The following METTL2B variants were observed in gnomAD, a reference collection of about 807,000 sequenced individuals.
METTL2B encodes methyltransferase 2B, tRNA N3-cytidine.
A neutral mutation model predicts 51.0 loss-of-function variants in METTL2B; 28 were observed. The ratio of observed to expected loss-of-function variants is 0.55; its 90% CI spans 0.41 to 0.75. The LOEUF (loss-of-function observed/expected upper bound fraction) is 0.75. METTL2B is among the 30% of genes least tolerant of loss of function. The probability of loss-of-function intolerance (pLI) is 0.00; values close to 1 mark genes in which losing one functional copy is unlikely to be tolerated. For missense variants in METTL2B, 313 were observed against 460.7 expected, an observed-to-expected ratio of 0.68 and a Z score of 2.93; for synonymous variants, 128 against 166.3, an observed-to-expected ratio of 0.77 and a Z score of 1.77.
intron 7 of METTL2B, among the ~76,000 whole-genome samples, chr7:128,500,011 A>G (rs1256224100): frequency 6.6e-6 from 1 of 152,150 alleles, no homozygotes; most frequent in Non-Finnish European, 1.5e-5. Flanking sequence ...TCTGTTGTGT[A>G]TTCAGTGAGA....
Position 128,502,749 on chromosome 7 carries a change from AT to A in METTL2B, c.*835del, listed in dbSNP as rs781219488. 85 of 349,650 alleles carry A rather than the reference AT, an allele frequency of 2.4e-4. No individual in the cohort carries two copies. In the Middle Eastern group the frequency reaches 3.0e-3, roughly 12 times the overall value. 21.7% of individuals were successfully genotyped at this position (349,650 alleles called of 1,614,324 possible). A position where few individuals can be genotyped will look rare whatever the true frequency, so the allele number is the denominator to read the frequency against. On this transcript the variant is annotated 3_prime_UTR_variant, in exon 9 of 9. Transcript: ENST00000262432. ...CCCCGTCTCTACTAAAGATAAAAAA[AT>A]TAGCTGGGTGTGTTGGTGGGTGCCT...
intron 2 of METTL2B, 143 bp from the exon 3 acceptor site, chr7:128,479,015 A>G: frequency 2.3e-6 from 2 of 868,598 alleles, no homozygotes; most frequent in Non-Finnish European, 1.7e-6. Flanking sequence ...GACCTCAGAA[A>G]TGCCTTCAGT....
rs1198683935 is a variant in METTL2B at position 128,501,057 on chromosome 7, C to T, written c.982+89C>T. ...CAGAAGGAAAACTATCTGGCCCCTCCTGCCTTTTAGGCAGGCTGTTTCCTT... is the reference window on the plus strand; with the variant it reads ...CAGAAGGAAAACTATCTGGCCCCTCTTGCCTTTTAGGCAGGCTGTTTCCTT... On this transcript the variant is annotated intron_variant, in intron 8 of 8. Transcript: ENST00000262432. The T allele has an allele frequency of 5.0e-6, 8 of 1,590,322 alleles. No homozygotes were observed. The African/African-American group carries it at 9.4e-5, about 19-fold the overall frequency.
rs1321342380 is a variant in METTL2B at position 128,493,830 on chromosome 7, G to A, written c.696G>A (p.Arg232=). ...CAAATTCAGAATATGATCCTTCTCG[G>A]TGTTTTGCCTTTGTTCACGACCTGT... ...VQTNSEYDPS[R]CFAFVHDLCD... is the part of the protein sequence containing the mutation. Residue 232 remains arginine (R), a synonymous_variant, in exon 6 of 9, where the codon CGG becomes CGA. Transcript: ENST00000262432. 6.2e-7 allele frequency: 1 copy of A among 1,610,338 alleles called. No homozygotes were observed. Among genetic ancestry groups the A allele is most frequent in the African/African-American group, 1.3e-5 (1 of 74,538 alleles).
intron 4 of METTL2B, among the ~76,000 whole-genome samples, chr7:128,487,316 G>A (rs1792736993): frequency 6.6e-6 from 1 of 152,162 alleles, no homozygotes; most frequent in Non-Finnish European, 1.5e-5. Context: ...GCCCAACAGT[G>A]CAGAAGAGCT....
In METTL2B at chr7:128,501,968, T is replaced by A; in HGVS notation, c.*52T>A. 1.1e-5 allele frequency: 17 copies of A among 1,598,972 alleles called. No homozygotes were observed. The highest frequency in any genetic ancestry group is 1.4e-5 in the Non-Finnish European group (16 of 1,171,078). On this transcript the variant is annotated 3_prime_UTR_variant, in exon 9 of 9. Transcript: ENST00000262432. ...AGCCCGTTGTGTTTCCGAGCTTTTT[T>A]AAAAAAAAATTTGTAGCACCGGGCA...
chr7:128,480,833 C>G, intron 4 of METTL2B, 137 bp downstream of exon 4: 1 of 1,051,302 alleles, frequency 9.5e-7, no homozygotes, highest in Non-Finnish European at 1.4e-6. Context: ...GTGAGACCAG[C>G]CAGGGCAATG....
chr7:128,479,606 C>A (rs1202473504), intron 3 of METTL2B, 93 bp downstream of exon 3: 2 of 1,364,352 alleles, frequency 1.5e-6, no homozygotes, highest in African/African-American at 2.9e-5. Context: ...AAAGTAACTT[C>A]TATTGGATGA....
rs375180770 is a variant in METTL2B, at chr7:128,476,897, C to T, written c.110+22C>T. 3.1e-6 allele frequency: 5 copies of T among 1,613,304 alleles called. No individual in the cohort carries two copies. The African/African-American group carries it at 6.7e-5, about 22-fold the overall frequency. ...CCTGGTAATCACCCTGCCCCCTCGC[C>T]CGGCCTGTCGCTGGCCGTCTGTCCC... On this transcript the variant is annotated intron_variant, in intron 1 of 8. Coordinates refer to ENST00000262432, the MANE Select transcript of METTL2B (RefSeq NM_018396.3).
chr7:128,482,096 T>C (rs575422991), intron 4 of METTL2B, among the ~76,000 whole-genome samples: 9 of 152,322 alleles, frequency 5.9e-5, no homozygotes, highest in African/African-American at 2.2e-4. Context: ...CCCTTACTAG[T>C]GTTGGCCCCA....
rs1244765041 is a variant in METTL2B at position 128,476,844 on chromosome 7, G to C, written c.79G>C (p.Asp27His). ...GCAGTTCGGAAGCCGGTTCCTGAGC[G>C]ATCCGGCGCGCGTCTTCCACCACAA... is the stretch of plus-strand genomic sequence containing the variant. The part of the protein sequence containing the change: ...RQQFGSRFLS[D>H]PARVFHHNAW... The change falls in exon 1 of 9, where the codon GAT becomes CAT. Residue 27 changes from aspartate (D) to histidine (H), a missense_variant. Around this residue, in one of 4 missense-constraint regions of METTL2B, gnomAD observed 66 missense variants for 58.2 expected, o/e 1.13. Transcript: ENST00000262432. 6.2e-7 allele frequency: 1 copy of C among 1,614,070 alleles called. No individual in the cohort carries two copies. The highest frequency in any genetic ancestry group is 2.2e-5 in the East Asian group (1 of 44,874).
intron 5 of METTL2B, among the ~76,000 whole-genome samples, chr7:128,489,836 G>C (rs373257561): frequency 0.034 from 5,163 of 151,296 alleles, 220 homozygotes; most frequent in East Asian, 0.22. Flanking sequence ...CACCGTTTTA[G>C]CTGGGATGGT....
rs1312837998 is a variant in METTL2B at position 128,484,736 on chromosome 7, G to A, written c.609-3365G>A. Reference sequence around the variant, plus strand: ...GCCTCCTGAGTAGCTGGGATTACAAGCGCCCGCCACCACACCCAGCTAATT... The same window carrying A: ...GCCTCCTGAGTAGCTGGGATTACAAACGCCCGCCACCACACCCAGCTAATT... On this transcript the variant is annotated intron_variant, in intron 4 of 8. Transcript: ENST00000262432. 9.2e-5 allele frequency among the ~76,000 whole-genome samples: 14 copies of A among 152,178 alleles called. No homozygotes were observed. In the South Asian group the frequency reaches 2.9e-3, roughly 32 times the overall value.
chr7:128,476,822 G>T lies in METTL2B; in HGVS notation c.57G>T (p.Gln19His), dbSNP rs765429745. 4 of 1,614,070 alleles carry T rather than the reference G, an allele frequency of 2.5e-6. No individual in the cohort carries two copies. In the Admixed American group the frequency reaches 5.0e-5, roughly 20 times the overall value. Residue 19 changes from glutamine (Q) to histidine (H), a missense_variant, in exon 1 of 9, where the codon CAG (glutamine) becomes CAT (histidine). Physicochemically the swap from Gln to His is conservative, Grantham distance 24. Coordinates refer to ENST00000262432, the MANE Select transcript of METTL2B (RefSeq NM_018396.3). Reference sequence around the variant, plus strand: ...CAATCCTCGCCGATAAGAGGCAGCAGTTCGGAAGCCGGTTCCTGAGCGATC... The same window carrying T: ...CAATCCTCGCCGATAAGAGGCAGCATTTCGGAAGCCGGTTCCTGAGCGATC... ...APAILADKRQ[Q>H]FGSRFLSDPA...
In METTL2B at chr7:128,506,535, T is replaced by A. The variant is rs576272397; in HGVS notation, c.*4619T>A. On this transcript the variant is annotated 3_prime_UTR_variant, in exon 9 of 9. Transcript: ENST00000262432. ...TAATGATGGGCAGAGGACTGTTACA[T>A]GTGTTGGGAGGGATTAAAGTATATG... The A allele has an allele frequency of 6.6e-6, 1 of 152,318 alleles. No homozygotes were observed. The highest frequency in any genetic ancestry group is 6.5e-5 in the Admixed American group (1 of 15,286). 9.4% of individuals were successfully genotyped at this position (152,318 alleles called of 1,614,324 possible).
intron 6 of METTL2B, among the ~76,000 whole-genome samples, chr7:128,495,452 T>C (rs1792907979): frequency 6.6e-6 from 1 of 151,910 alleles, no homozygotes; most frequent in Admixed American, 6.6e-5. Flanking sequence ...CCTTCTCTCT[T>C]TTTTTTATTT....
Position 128,504,821 on chromosome 7 carries a change from A to G in METTL2B, c.*2905A>G, listed in dbSNP as rs6943285. 0.39 allele frequency: 58,582 copies of G among 150,748 alleles called. 11,413 individuals carry two copies. The highest frequency in any genetic ancestry group is 0.42 in the Middle Eastern group (123 of 294). The allele number at this position is 150,748 out of a possible 1,614,324, so 9.3% of individuals were successfully genotyped here. A position where few individuals can be genotyped will look rare whatever the true frequency, so the allele number is the denominator to read the frequency against. ...CCCATCTCTGCTAACAATACAGACC[A>G]GGCATGGTGGCTCACACCTGTAATC... On this transcript the variant is annotated 3_prime_UTR_variant, in exon 9 of 9. Coordinates refer to ENST00000262432, the MANE Select transcript of METTL2B (RefSeq NM_018396.3).
chr7:128,479,287 A>C lies in METTL2B; in HGVS notation c.332A>C (p.His111Pro). 6.2e-7 allele frequency: 1 copy of C among 1,614,238 alleles called. No individual in the cohort carries two copies. The highest frequency in any genetic ancestry group is 8.5e-7 in the Non-Finnish European group (1 of 1,180,032). ...PELAPSQNQN[H>P]LKDWFLENKS... ...CTGGCACCTAGCCAAAATCAAAATC[A>C]TTTGAAGGATTGGTTCTTGGAGAAC... is the stretch of plus-strand genomic sequence containing the variant. The change falls in exon 3 of 9, where the codon CAT (histidine) becomes CCT (proline). Residue 111 changes from histidine to proline, a missense_variant. This residue lies in a region of METTL2B where 67 missense variants were observed against 101.4 expected (regional missense o/e 0.66). Coordinates refer to ENST00000262432, the MANE Select transcript of METTL2B (RefSeq NM_018396.3).
At chr7:128,481,264 G>C (rs1425721435) in intron 4 of METTL2B, among the ~76,000 whole-genome samples, 7 of 152,186 alleles carry the variant, frequency 4.6e-5, no homozygotes, top group Non-Finnish European at 7.3e-5. Flanking sequence ...CAACAGCTGG[G>C]TGTCCTACAA....
Sources: gnomAD v4.1 joint callset for allele counts (sites outside exome capture counted in the v4.1 genomes callset) on GRCh38, gnomAD v4.1.1 for gene constraint, gnomAD v4.1.1 regional missense constraint, MANE v1.5 for transcripts, NCBI Gene and HGNC (gene_info 2026-07-23, HGNC 2026-07-21) for gene names.